SMC3: variants seen among roughly 807,000 people sequenced by gnomAD.
The protein encoded by SMC3 is structural maintenance of chromosomes protein 3.
Under a neutral mutation model 171.8 loss-of-function variants are expected in SMC3, and 20 were observed. The observed-to-expected ratio is 0.12, with a 90% CI of 0.08 to 0.17. The LOEUF (loss-of-function observed/expected upper bound fraction) is 0.17. Ranked by LOEUF, SMC3 falls within the 10% of genes least tolerant of loss-of-function variation. The pLI, the probability that SMC3 is intolerant of heterozygous loss-of-function variation, is 1.00. For missense variants in SMC3, 543 were observed against 1,420.4 expected, an observed-to-expected ratio of 0.38 and a Z score of 9.93; for synonymous variants, 464 against 451.1, an observed-to-expected ratio of 1.03 and a Z score of -0.36.
chr10:110,567,911 G>A, intron 1 of SMC3, 80 bp downstream of exon 1: 2 of 1,434,424 alleles, frequency 1.4e-6, no homozygotes, highest in Non-Finnish European at 1.9e-6. Context: ...GGCGCCACCC[G>A]CAGCCTCTCC....
intron 16 of SMC3, 34 bp downstream of exon 16, chr10:110,590,606 G>A: frequency 6.3e-7 from 1 of 1,596,660 alleles, no homozygotes. Flanking sequence ...AGCATTTTTA[G>A]AAGAGGGAAT....
intron 5 of SMC3, 138 bp downstream of exon 5, chr10:110,577,630 GA>G: frequency 2.8e-6 from 2 of 726,804 alleles, no homozygotes; most frequent in African/African-American, 1.8e-5. Context: ...AAATGACAAT[GA>G]ATACTCTGTT....
At chr10:110,585,584 C>G (rs111810634) in intron 13 of SMC3, among the ~76,000 whole-genome samples, 15 of 151,144 alleles carry the variant, frequency 9.9e-5, no homozygotes, top group Admixed American at 9.9e-4. Flanking sequence ...CCACCATGCC[C>G]GGTGTAATTT....
At chr10:110,570,161 C>A (rs1319685423) in intron 2 of SMC3, among the ~76,000 whole-genome samples, 3 of 152,176 alleles carry the variant, frequency 2.0e-5, no homozygotes, top group Non-Finnish European at 4.4e-5. Flanking sequence ...GCTCACATGG[C>A]CCCATCCTCA....
In SMC3 at chr10:110,584,560, T is replaced by TTC. The variant is rs59078154; in HGVS notation, c.1305+166_1305+167dup. On this transcript the variant is annotated intron_variant, in intron 13 of 28. Coordinates refer to ENST00000361804, the MANE Select transcript of SMC3 (RefSeq NM_005445.4). ...CCTGCACAGTTTAATATACATATAG[T>TTC]TCTTTTTTAAAGAATATTCATGTCA... 0.12 allele frequency among the ~76,000 whole-genome samples: 17,747 copies of TTC among 152,236 alleles called. 1,211 individuals are homozygous for TTC. The highest frequency in any genetic ancestry group is 0.26 in the East Asian group (1,356 of 5,174).
intron 12 of SMC3, 44 bp from the exon 13 acceptor site, chr10:110,584,139 G>T: frequency 6.3e-7 from 1 of 1,579,180 alleles, no homozygotes. Flanking sequence ...ATTAAACTTG[G>T]TTATTATTCT....
Position 110,581,975 on chromosome 10 carries a change from A to G in SMC3, c.600A>G (p.Leu200=). Residue 200 remains leucine, a synonymous_variant, in exon 9 of 29, where the codon TTA becomes TTG. Coordinates refer to ENST00000361804, the MANE Select transcript of SMC3 (RefSeq NM_005445.4). The part of the protein sequence containing the change: ...NELLKYIEER[L]HTLEEEKEEL... ...TGTTAAAATACATTGAAGAGAGATT[A>G]CATACTCTAGAGGAAGAAAAGGAAG... 1 of 1,613,446 alleles carries G rather than the reference A, an allele frequency of 6.2e-7. No individual in the cohort carries two copies. Among genetic ancestry groups the G allele is most frequent in the East Asian group, 2.2e-5 (1 of 44,802 alleles).
At chr10:110,578,560 A>T in intron 6 of SMC3, 68 bp from the exon 7 acceptor site, 1 of 1,094,170 alleles carries the variant, frequency 9.1e-7, no homozygotes, top group Non-Finnish European at 1.4e-6. Context: ...CCAAGGGGCT[A>T]CTCTACTCAT....
chr10:110,591,187 C>CATT, intron 17 of SMC3, 55 bp downstream of exon 17: 1 of 1,513,618 alleles, frequency 6.6e-7, no homozygotes, highest in Non-Finnish European at 9.1e-7. Context: ...TTTTTTATCA[C>CATT]ATAATCTAAC....
intron 18 of SMC3, among the ~76,000 whole-genome samples, chr10:110,595,512 C>CCCCTTTGT (rs1861286447): frequency 6.6e-6 from 1 of 152,166 alleles, no homozygotes; most frequent in Non-Finnish European, 1.5e-5. Context: ...TATCCCTTTG[C>CCCCTTTGT]CCCTTTGTAA....
chr10:110,590,917 G>C (rs1861195484), intron 16 of SMC3, 74 bp from the exon 17 acceptor site: 1 of 1,362,356 alleles, frequency 7.3e-7, no homozygotes, highest in African/African-American at 1.4e-5. Flanking sequence ...TGAGGTGGGA[G>C]GATTGATAAG....
chr10:110,603,653 C>CA (rs1359546279), intron 28 of SMC3, among the ~76,000 whole-genome samples: 1 of 152,092 alleles, frequency 6.6e-6, no homozygotes, highest in African/African-American at 2.4e-5. Flanking sequence ...AGAAAGTGAA[C>CA]AAAAAGGTAG....
At chr10:110,582,765 C>A in intron 10 of SMC3, 123 bp downstream of exon 10, 1 of 735,696 alleles carries the variant, frequency 1.4e-6, no homozygotes, top group Non-Finnish European at 2.4e-6. Context: ...ACTTCCTGGG[C>A]TCAGGCAATC....
intron 13 of SMC3, among the ~76,000 whole-genome samples, chr10:110,586,823 A>G (rs1284554787): frequency 6.6e-6 from 1 of 151,974 alleles, no homozygotes; most frequent in Non-Finnish European, 1.5e-5. Context: ...GCTCCCGGCT[A>G]ATTTTTGTAT....
chr10:110,598,200 G>A lies in SMC3; in HGVS notation c.2178G>A (p.Arg726=). 1 of 1,613,910 alleles carries A rather than the reference G, an allele frequency of 6.2e-7. No homozygotes were observed. The highest frequency in any genetic ancestry group is 1.1e-5 in the South Asian group (1 of 91,080). The stretch of plus-strand genomic sequence containing the variant: ...TGCAACAGATCGAGACCCAGCAAAG[G>A]AAATTTAAAGCATCTAGAGATAGCA... ...NQMQQIETQQ[R]KFKASRDSIL... Residue 726 remains arginine, a synonymous_variant, in exon 20 of 29, where the codon AGG becomes AGA. Coordinates refer to ENST00000361804, the MANE Select transcript of SMC3 (RefSeq NM_005445.4).
rs538467688 is a variant in SMC3 at position 110,599,042 on chromosome 10, T to TA, written c.2269-597dup. ...TATAATACTAAAACTACAAAGAGCT[T>TA]AAAAAAAAAAAAAAAGATGTGCCTA... On this transcript the variant is annotated intron_variant, in intron 20 of 28. Transcript: ENST00000361804. Among the ~76,000 whole-genome samples the TA allele has an allele frequency of 7.8e-3, 1,101 of 140,902 alleles. 4 individuals carry two copies. The highest frequency in any genetic ancestry group is 0.017 in the African/African-American group (656 of 38,304). 92.4% of individuals were successfully genotyped at this position (140,902 alleles called of 152,430 possible).
intron 12 of SMC3, 69 bp downstream of exon 12, chr10:110,584,031 C>G (rs1454964230): frequency 6.3e-7 from 1 of 1,578,952 alleles, no homozygotes; most frequent in Non-Finnish European, 8.7e-7. Context: ...GTCCGAGGAG[C>G]TCAATTATAT....
rs368999586 is a variant in SMC3, at chr10:110,604,457, T to C, written c.*155T>C. 6 of 615,202 alleles carry C rather than the reference T, an allele frequency of 9.8e-6. No homozygotes were observed. Among genetic ancestry groups the C allele is most frequent in the Admixed American group, 5.3e-5 (2 of 37,892 alleles). 38.1% of individuals were successfully genotyped at this position (615,202 alleles called of 1,614,324 possible). On this transcript the variant is annotated 3_prime_UTR_variant, in exon 29 of 29. Coordinates refer to ENST00000361804, the MANE Select transcript of SMC3 (RefSeq NM_005445.4). ...TTTGTCTTTGTATTTTATAAGATAC[T>C]CTGTAATGTCATGTTTGTACTGATA...
At position 110,601,704 on chromosome 10, in the gene SMC3, G is replaced by C; in HGVS notation, c.2712G>C (p.Trp904Cys). Residue 904 changes from tryptophan (W) to cysteine (C), a missense_variant, in exon 24 of 29, where the codon TGG (tryptophan) becomes TGC (cysteine). This residue lies in a region of SMC3 where 81 missense variants were observed against 184.2 expected (regional missense o/e 0.44). Coordinates refer to ENST00000361804, the MANE Select transcript of SMC3 (RefSeq NM_005445.4). ...AGCTTCAGAAGAGTATGGAGCGCTG[G>C]AAAAATATGGAAAAAGAACATATGG... The part of the protein sequence containing the change: ...IKELQKSMER[W>C]KNMEKEHMDA... 1 of 1,613,126 alleles carries C rather than the reference G, an allele frequency of 6.2e-7. No homozygotes were observed. Among genetic ancestry groups the C allele is most frequent in the South Asian group, 1.1e-5 (1 of 91,046 alleles).
Sources: gnomAD v4.1 joint callset for allele counts (sites outside exome capture counted in the v4.1 genomes callset) on GRCh38, gnomAD v4.1.1 for gene constraint, gnomAD v4.1.1 regional missense constraint, MANE v1.5 for transcripts, NCBI Gene and HGNC (gene_info 2026-07-23, HGNC 2026-07-21) for gene names.